Variants in ADAMTSL1 observed in about 807,000 individuals in gnomAD.
The protein encoded by ADAMTSL1 is ADAMTS like 1.
ADAMTSL1 carries 126 observed loss-of-function variants against 201.8 expected under a neutral mutation model. The ratio of observed to expected loss-of-function variants is 0.62; its 90% CI spans 0.54 to 0.72. The LOEUF (loss-of-function observed/expected upper bound fraction) is 0.72, where lower values mean the gene tolerates loss of function less well. Ranked by LOEUF, ADAMTSL1 falls within the 30% of genes least tolerant of loss-of-function variation. The probability of loss-of-function intolerance (pLI) is 0.00; values close to 1 mark genes in which losing one functional copy is unlikely to be tolerated. For synonymous variants in ADAMTSL1, 1,121 were observed against 903.4 expected (o/e 1.24, Z -4.32); for missense variants, 2,679 against 2,277.8 (o/e 1.18, Z -3.59).
chr9:18,283,983 C>T (rs1832898991), intron 2 of ADAMTSL1, among the ~76,000 whole-genome samples: 1 of 147,792 alleles, frequency 6.8e-6, no homozygotes, highest in South Asian at 2.2e-4. Flanking sequence ...GTAATCCCAG[C>T]ACTTTGGGAG....
chr9:17,948,193 A>G (rs569251939), intron 1 of ADAMTSL1, among the ~76,000 whole-genome samples: 37 of 152,358 alleles, frequency 2.4e-4, no homozygotes, highest in African/African-American at 8.7e-4. Context: ...ACCAAAAAAT[A>G]AATTAATAGT....
chr9:17,909,476 T>TC (rs1199263855), intron 1 of ADAMTSL1, among the ~76,000 whole-genome samples: 4 of 112,584 alleles, frequency 3.6e-5, no homozygotes, highest in African/African-American at 1.1e-4. Flanking sequence ...AAGTCTTTAA[T>TC]CATCTTGAAT....
intron 20 of ADAMTSL1, among the ~76,000 whole-genome samples, chr9:18,805,890 C>T (rs1334351957): frequency 6.6e-6 from 1 of 152,192 alleles, no homozygotes; most frequent in Non-Finnish European, 1.5e-5. Flanking sequence ...ATCTGCCCAG[C>T]CTGCGGTCCT....
Position 18,836,886 on chromosome 9 carries a change from G to C in ADAMTSL1, c.4249+6909G>C, listed in dbSNP as rs1444776559. On this transcript the variant is annotated intron_variant, in intron 23 of 28. Transcript: ENST00000380548. ...TTGTGTTGCTATTGTAAATGGCATT[G>C]CATTCTTGATTTGGCCCTCAGCTTG... 2.6e-5 allele frequency among the ~76,000 whole-genome samples: 4 copies of C among 152,200 alleles called. No homozygotes were observed. The East Asian group carries it at 7.7e-4, about 29-fold the overall frequency.
chr9:18,824,469 G>T (rs935562097), intron 21 of ADAMTSL1, among the ~76,000 whole-genome samples: 1 of 152,112 alleles, frequency 6.6e-6, no homozygotes, highest in Non-Finnish European at 1.5e-5. Context: ...CGGTAGCCCT[G>T]CCTCTCTTTC....
chr9:18,669,674 G>A (rs1384531938), intron 9 of ADAMTSL1, among the ~76,000 whole-genome samples: 1 of 152,136 alleles, frequency 6.6e-6, no homozygotes, highest in Non-Finnish European at 1.5e-5. Flanking sequence ...AATTTTGAGA[G>A]AATTATCTTA....
At chr9:18,366,743 G>T (rs781278846) in intron 2 of ADAMTSL1, among the ~76,000 whole-genome samples, 5 of 144,600 alleles carry the variant, frequency 3.5e-5, no homozygotes, top group Non-Finnish European at 7.5e-5. Flanking sequence ...TCTGCCTCCC[G>T]AGTAGCTGGG....
rs190956594 is a variant in ADAMTSL1, at chr9:18,377,712, G to A, written c.208-127117G>A. On this transcript the variant is annotated intron_variant, in intron 2 of 29. Transcript: ENST00000680146. ...CTCCCAAGTAGCTGGGAATACAGTCGCGTGCCACCACGCCCGGTTAATTTT... is the reference window on the plus strand; with the variant it reads ...CTCCCAAGTAGCTGGGAATACAGTCACGTGCCACCACGCCCGGTTAATTTT... Among the ~76,000 whole-genome samples the A allele has an allele frequency of 2.0e-3, 297 of 152,158 alleles. 2 individuals are homozygous for A. The highest frequency in any genetic ancestry group is 0.017 in the Admixed American group (255 of 15,270).
chr9:18,100,219 T>G (rs879741140), intron 1 of ADAMTSL1, among the ~76,000 whole-genome samples: 2 of 152,200 alleles, frequency 1.3e-5, no homozygotes, highest in Non-Finnish European at 2.9e-5. Context: ...TTTCAGTAAC[T>G]TTGCTTGGGA....
rs370367274 is a variant in ADAMTSL1, at chr9:18,434,304, G to T, written c.208-70525G>T. The stretch of plus-strand genomic sequence containing the variant: ...TGTGCTCGGTTAGTAAAGAAGAAAT[G>T]ATATTATTCCCAGAAGCTCCACCAT... On this transcript the variant is annotated intron_variant, in intron 2 of 29. Transcript: ENST00000680146. Among the ~76,000 whole-genome samples the T allele has an allele frequency of 7.9e-5, 12 of 152,150 alleles. 1 individual carries two copies. The East Asian group carries it at 1.5e-3, about 20-fold the overall frequency.
At chr9:18,727,492 A>C (rs1281902481) in intron 15 of ADAMTSL1, among the ~76,000 whole-genome samples, 1 of 152,210 alleles carries the variant, frequency 6.6e-6, no homozygotes, top group Non-Finnish European at 1.5e-5. Flanking sequence ...GTTTTCTTCC[A>C]TTGATGGATA....
chr9:18,119,832 A>T (rs1825423928), intron 1 of ADAMTSL1, among the ~76,000 whole-genome samples: 1 of 152,180 alleles, frequency 6.6e-6, no homozygotes, highest in Non-Finnish European at 1.5e-5. Flanking sequence ...AAACCAAGAC[A>T]GAAAGACATT....
intron 16 of ADAMTSL1, among the ~76,000 whole-genome samples, chr9:18,764,665 C>T (rs533935355): frequency 3.3e-5 from 5 of 152,142 alleles, no homozygotes; most frequent in Non-Finnish European, 7.4e-5. Context: ...GGCAAATTGT[C>T]CACTGTAGCT....
chr9:18,598,140 G>T (rs1300177184), intron 4 of ADAMTSL1, among the ~76,000 whole-genome samples: 2 of 152,128 alleles, frequency 1.3e-5, no homozygotes, highest in Non-Finnish European at 2.9e-5. Flanking sequence ...CAGAGACCCT[G>T]GGGATATTTT....
chr9:18,681,702 G>GC lies in ADAMTSL1; in HGVS notation c.1342-110_1342-109insC, dbSNP rs1554728684. 7 of 507,860 alleles carry GC rather than the reference G, an allele frequency of 1.4e-5. 1 individual carries two copies. The highest frequency in any genetic ancestry group is 5.9e-5 in the African/African-American group (2 of 34,150). 31.5% of individuals were successfully genotyped at this position (507,860 alleles called of 1,614,324 possible). A position where few individuals can be genotyped will look rare whatever the true frequency, so the allele number is the denominator to read the frequency against. On this transcript the variant is annotated intron_variant, in intron 11 of 28. Transcript: ENST00000380548. The stretch of plus-strand genomic sequence containing the variant: ...ATTTACCAGGAGTCCTCGTGTGGGG[G>GC]GGGGGGGCGGGGAAAAAGAAAACTT...
At chr9:18,141,393 C>A (rs1262863878) in intron 1 of ADAMTSL1, among the ~76,000 whole-genome samples, 1 of 152,168 alleles carries the variant, frequency 6.6e-6, no homozygotes, top group African/African-American at 2.4e-5. Context: ...ACATGCTGTG[C>A]TGTCCCCAGA....
At chr9:18,213,762 CAG>C (rs896171557) in intron 2 of ADAMTSL1, among the ~76,000 whole-genome samples, 2 of 152,064 alleles carry the variant, frequency 1.3e-5, no homozygotes, top group African/African-American at 2.4e-5. Flanking sequence ...GTCCTTGAGA[CAG>C]AGTCTCGCTC....
At chr9:18,708,315 G>A (rs1016310169) in intron 14 of ADAMTSL1, among the ~76,000 whole-genome samples, 1 of 152,182 alleles carries the variant, frequency 6.6e-6, no homozygotes, top group African/African-American at 2.4e-5. Context: ...GCATTTAATA[G>A]TGCTGACCTT....
At chr9:17,949,153 T>A (rs1827632363) in intron 1 of ADAMTSL1, among the ~76,000 whole-genome samples, 1 of 152,208 alleles carries the variant, frequency 6.6e-6, no homozygotes, top group Admixed American at 6.5e-5. Context: ...AAAATACACA[T>A]AAAGCCTCCA....
Sources: allele counts gnomAD v4.1 joint callset (sites outside exome capture counted in the v4.1 genomes callset), GRCh38; gene constraint gnomAD v4.1.1; transcripts MANE v1.5; gene names NCBI Gene and HGNC (gene_info 2026-07-23, HGNC 2026-07-21).